RYR2: variants seen among roughly 807,000 people sequenced by gnomAD.
The protein encoded by RYR2 is ryanodine receptor 2.
RYR2 carries 227 observed loss-of-function variants against 601.1 expected under a neutral mutation model. That is an observed-to-expected ratio of 0.38 (90% CI 0.34 to 0.42). The LOEUF (loss-of-function observed/expected upper bound fraction) is 0.42. Among genes scored for constraint, RYR2 ranks in the 10% least tolerant of loss-of-function variants. RYR2 has a pLI of 1.00. For synonymous variants in RYR2, 2,223 were observed against 2,175.1 expected (o/e 1.02, Z -0.61); for missense variants, 4,646 against 6,156.5 (o/e 0.75, Z 8.21).
intron 49 of RYR2, among the ~76,000 whole-genome samples, chr1:237,649,649 T>A (rs1398913250): frequency 1.3e-5 from 2 of 152,224 alleles, no homozygotes; most frequent in African/African-American, 4.8e-5. Flanking sequence ...AGGAGATAGG[T>A]GTCATTTCAT....
chr1:237,234,629 T>C, intron 1 of RYR2, among the ~76,000 whole-genome samples: 1 of 152,336 alleles, frequency 6.6e-6, no homozygotes, highest in Middle Eastern at 3.4e-3. Flanking sequence ...ATGCTCATAA[T>C]TGTAAAATTT....
intron 1 of RYR2, among the ~76,000 whole-genome samples, chr1:237,068,944 T>C (rs12037993): frequency 0.15 from 22,573 of 152,176 alleles, 2,053 homozygotes; most frequent in Non-Finnish European, 0.2. Context: ...AATCTTCCTG[T>C]ATCTCTTAAT....
chr1:237,718,166 T>G (rs1439723075), intron 72 of RYR2, among the ~76,000 whole-genome samples: 1 of 152,174 alleles, frequency 6.6e-6, no homozygotes, highest in African/African-American at 2.4e-5. Context: ...GGAGATATAC[T>G]TCTATTTCAG....
chr1:237,694,293 C>CA (rs35085689), intron 63 of RYR2, among the ~76,000 whole-genome samples: 36,573 of 91,538 alleles, frequency 0.4, 5,542 homozygotes, highest in East Asian at 0.6. Flanking sequence ...GACTCCCTCT[C>CA]AAAAAAAAAA....
At chr1:237,147,323 C>A (rs75324253) in intron 1 of RYR2, among the ~76,000 whole-genome samples, 5,315 of 152,086 alleles carry the variant, frequency 0.035, 166 homozygotes, top group South Asian at 0.13. Context: ...TTCCCTATTT[C>A]TATTACTGTA....
At chr1:237,666,175 G>A (rs1350127733) in intron 56 of RYR2, among the ~76,000 whole-genome samples, 1 of 152,174 alleles carries the variant, frequency 6.6e-6, no homozygotes, top group Non-Finnish European at 1.5e-5. Flanking sequence ...GCGTGAGGAA[G>A]AGTAAATTTC....
At chr1:237,706,054 G>A (rs1031926136) in intron 67 of RYR2, among the ~76,000 whole-genome samples, 8 of 152,036 alleles carry the variant, frequency 5.3e-5, no homozygotes, top group Admixed American at 5.2e-4. Context: ...TTCAAGACCA[G>A]CCTGACCAAC....
chr1:237,175,746 A>G (rs1386058965), intron 1 of RYR2, among the ~76,000 whole-genome samples: 1 of 152,154 alleles, frequency 6.6e-6, no homozygotes, highest in Non-Finnish European at 1.5e-5. Context: ...GACAATATCT[A>G]CTGGGTTCCA....
At chr1:237,284,548 G>GCATA (rs1553380558) in intron 2 of RYR2, among the ~76,000 whole-genome samples, 7 of 140,764 alleles carry the variant, frequency 5.0e-5, no homozygotes, top group Admixed American at 3.6e-4. Context: ...TATAGTGTGT[G>GCATA]TATATATATA....
chr1:237,454,933 G>A (rs1658625992), intron 15 of RYR2, among the ~76,000 whole-genome samples: 1 of 152,088 alleles, frequency 6.6e-6, no homozygotes, highest in African/African-American at 2.4e-5. Flanking sequence ...GAAAGCATCA[G>A]GGTTTTCAAA....
At chr1:237,481,838 A>G (rs1437564199) in intron 17 of RYR2, among the ~76,000 whole-genome samples, 1 of 122,614 alleles carries the variant, frequency 8.2e-6, no homozygotes, top group East Asian at 2.5e-4. Context: ...AAAAAAAACC[A>G]CCTCCCAAAC....
At chr1:237,491,443 T>C (rs1480222953) in intron 17 of RYR2, among the ~76,000 whole-genome samples, 1 of 152,186 alleles carries the variant, frequency 6.6e-6, no homozygotes, top group Admixed American at 6.5e-5. Flanking sequence ...ACTTTACTCA[T>C]GCACATACTG....
At chr1:237,092,600 G>A (rs1667094050) in intron 1 of RYR2, among the ~76,000 whole-genome samples, 1 of 150,608 alleles carries the variant, frequency 6.6e-6, no homozygotes, top group Admixed American at 6.6e-5. Flanking sequence ...TGTGATTTCG[G>A]CTCACTGCAA....
intron 2 of RYR2, among the ~76,000 whole-genome samples, chr1:237,298,819 G>A (rs1031627984): frequency 1.3e-5 from 2 of 152,070 alleles, no homozygotes; most frequent in African/African-American, 4.8e-5. Context: ...GGGCAAGATG[G>A]CAAGACCCCG....
At chr1:237,310,238 T>A (rs1694399236) in intron 2 of RYR2, among the ~76,000 whole-genome samples, 1 of 152,212 alleles carries the variant, frequency 6.6e-6, no homozygotes, top group Admixed American at 6.5e-5. Context: ...ACTGTAGGTA[T>A]TATACTAATG....
intron 44 of RYR2, among the ~76,000 whole-genome samples, chr1:237,636,257 G>C (rs1304190396): frequency 1.3e-5 from 2 of 151,988 alleles, no homozygotes; most frequent in African/African-American, 4.8e-5. Flanking sequence ...TGTCAAGCCA[G>C]GGAGGTCAGA....
chr1:237,308,110 A>G (rs917859164), intron 2 of RYR2, among the ~76,000 whole-genome samples: 1 of 152,222 alleles, frequency 6.6e-6, no homozygotes, highest in Non-Finnish European at 1.5e-5. Flanking sequence ...ATTATGGTTA[A>G]GGGAAAAAAT....
intron 2 of RYR2, among the ~76,000 whole-genome samples, chr1:237,329,458 T>C (rs1257158298): frequency 6.6e-6 from 1 of 151,906 alleles, no homozygotes; most frequent in South Asian, 2.1e-4. Context: ...CTGGCTAACA[T>C]GGTGAAACCC....
At chr1:237,465,424 G>C (rs1007111455) in intron 16 of RYR2, among the ~76,000 whole-genome samples, 9 of 151,958 alleles carry the variant, frequency 5.9e-5, no homozygotes, top group African/African-American at 2.2e-4. Context: ...TGTGTGCTTT[G>C]ATATCAATGT....
Sources: allele counts gnomAD v4.1 joint callset (sites outside exome capture counted in the v4.1 genomes callset), GRCh38; gene constraint gnomAD v4.1.1; transcripts MANE v1.5; gene names NCBI Gene and HGNC (gene_info 2026-07-23, HGNC 2026-07-21).